CHRNA7: variants seen among roughly 807,000 people sequenced by gnomAD.
The protein encoded by CHRNA7 is neuronal acetylcholine receptor subunit alpha-7.
CHRNA7 carries 17 observed loss-of-function variants against 48.0 expected under a neutral mutation model. The observed-to-expected ratio is 0.35, with a 90% confidence interval of 0.24 to 0.53. CHRNA7 has a LOEUF of 0.53. Ranked by LOEUF, CHRNA7 falls within the 20% of genes least tolerant of loss-of-function variation. The pLI is 0.92. For missense variants in CHRNA7, 155 were observed against 577.7 expected, an observed-to-expected ratio of 0.27 and a Z score of 7.50; for synonymous variants, 75 against 242.3, an observed-to-expected ratio of 0.31 and a Z score of 6.41.
chr15:32,139,745 T>G lies in CHRNA7; in HGVS notation c.351-14162T>G, dbSNP rs533392152. ...TTATTGCTGAGTTTTAAGAGTTCTT[T>G]GTATATTTTGGATTACAGTTCATTA... On this transcript the variant is annotated intron_variant, in intron 4 of 9. Coordinates refer to ENST00000306901, the MANE Select transcript of CHRNA7 (RefSeq NM_000746.6). Among the ~76,000 whole-genome samples, 227 of 152,310 alleles carry G rather than the reference T, an allele frequency of 1.5e-3. 1 individual carries two copies. Among genetic ancestry groups the G allele is most frequent in the Non-Finnish European group, 2.7e-3 (183 of 68,036 alleles).
intron 2 of CHRNA7, among the ~76,000 whole-genome samples, chr15:32,070,993 C>T (rs1181864035): frequency 6.6e-6 from 1 of 151,926 alleles, no homozygotes; most frequent in Admixed American, 6.6e-5. Context: ...GGCCTAGTTC[C>T]TTTTTTTATA....
intron 2 of CHRNA7, among the ~76,000 whole-genome samples, chr15:32,095,925 C>A (rs946736516): frequency 1.3e-5 from 2 of 152,168 alleles, no homozygotes; most frequent in Non-Finnish European, 2.9e-5. Flanking sequence ...AAATCCAACC[C>A]CCTAACCTCT....
chr15:32,051,968 C>G (rs1272430037), intron 2 of CHRNA7, among the ~76,000 whole-genome samples: 1 of 152,194 alleles, frequency 6.6e-6, no homozygotes, highest in Non-Finnish European at 1.5e-5. Context: ...TGAGCCACTG[C>G]ACCTGGCCCT....
At chr15:32,056,353 G>A (rs777452425) in intron 2 of CHRNA7, among the ~76,000 whole-genome samples, 2 of 151,920 alleles carry the variant, frequency 1.3e-5, no homozygotes, top group Admixed American at 6.6e-5. Flanking sequence ...ATTGATTTTT[G>A]TGTATAAAGT....
chr15:32,126,980 A>G (rs865787410), intron 4 of CHRNA7, among the ~76,000 whole-genome samples: 3 of 152,208 alleles, frequency 2.0e-5, no homozygotes, highest in South Asian at 2.1e-4. Flanking sequence ...TGATTCATGT[A>G]GCCACCAACA....
At chr15:32,126,889 A>C (rs575540307) in intron 4 of CHRNA7, among the ~76,000 whole-genome samples, 54 of 152,338 alleles carry the variant, frequency 3.5e-4, no homozygotes, top group Non-Finnish European at 6.0e-4. Flanking sequence ...TATTCCACAA[A>C]GTTTATTCAG....
At chr15:32,091,985 C>T (rs1200673739) in intron 2 of CHRNA7, among the ~76,000 whole-genome samples, 1 of 152,130 alleles carries the variant, frequency 6.6e-6, no homozygotes, top group South Asian at 2.1e-4. Context: ...AGAAGCAGGG[C>T]CCCCATGTAT....
intron 2 of CHRNA7, among the ~76,000 whole-genome samples, chr15:32,064,609 G>A (rs1270158929): frequency 6.6e-6 from 1 of 152,002 alleles, no homozygotes; most frequent in Non-Finnish European, 1.5e-5. Context: ...GGATGGGAAC[G>A]TATTTTGGGG....
At chr15:32,085,712 A>T (rs1292837350) in intron 2 of CHRNA7, among the ~76,000 whole-genome samples, 1 of 152,212 alleles carries the variant, frequency 6.6e-6, no homozygotes, top group Non-Finnish European at 1.5e-5. Flanking sequence ...CCTGATAGTA[A>T]TTACTCCAAT....
intron 2 of CHRNA7, among the ~76,000 whole-genome samples, chr15:32,047,960 T>C (rs1386259429): frequency 1.3e-5 from 2 of 152,338 alleles, no homozygotes; most frequent in East Asian, 3.9e-4. Context: ...TCTGTTTATA[T>C]GCTGGATTAC....
intron 2 of CHRNA7, among the ~76,000 whole-genome samples, chr15:32,051,635 G>C (rs1446255935): frequency 6.6e-6 from 1 of 152,164 alleles, no homozygotes; most frequent in Non-Finnish European, 1.5e-5. Context: ...GCTTCGGCTG[G>C]TGCATGGTGC....
At chr15:32,119,686 C>G (rs770234201) in intron 4 of CHRNA7, among the ~76,000 whole-genome samples, 19 of 152,046 alleles carry the variant, frequency 1.2e-4, no homozygotes, top group South Asian at 2.1e-4. Context: ...AATTGATTCC[C>G]ATCAGGTGAT....
intron 2 of CHRNA7, among the ~76,000 whole-genome samples, chr15:32,097,541 G>T (rs760269509): frequency 2.0e-5 from 3 of 152,140 alleles, no homozygotes; most frequent in Non-Finnish European, 4.4e-5. Flanking sequence ...AACCATAGTG[G>T]CAGGTTAATC....
At chr15:32,052,375 G>T (rs1389478714) in intron 2 of CHRNA7, among the ~76,000 whole-genome samples, 1 of 152,172 alleles carries the variant, frequency 6.6e-6, no homozygotes, top group Non-Finnish European at 1.5e-5. Flanking sequence ...AGGGAGTGTA[G>T]TGGTGGTTAC....
intron 2 of CHRNA7, among the ~76,000 whole-genome samples, chr15:32,073,716 G>T (rs72713566): frequency 0.084 from 12,759 of 152,092 alleles, 714 homozygotes; most frequent in African/African-American, 0.14. Context: ...CAAGAACTGG[G>T]TGTTTAAAAG....
chr15:32,145,273 G>A (rs1353160588), intron 4 of CHRNA7, among the ~76,000 whole-genome samples: 1 of 152,152 alleles, frequency 6.6e-6, no homozygotes, highest in African/African-American at 2.4e-5. Context: ...ATTGCTGCCT[G>A]ATCCTTCTTC....
intron 2 of CHRNA7, among the ~76,000 whole-genome samples, chr15:32,032,560 G>A (rs1356093454): frequency 6.6e-6 from 1 of 152,190 alleles, no homozygotes; most frequent in Non-Finnish European, 1.5e-5. Context: ...ACATGAAAAA[G>A]GACCAGGCAG....
chr15:32,125,093 A>G (rs1307737473), intron 4 of CHRNA7, among the ~76,000 whole-genome samples: 1 of 152,218 alleles, frequency 6.6e-6, no homozygotes, highest in African/African-American at 2.4e-5. Context: ...ATATCTAAAT[A>G]TTACGAGAAA....
intron 4 of CHRNA7, among the ~76,000 whole-genome samples, chr15:32,133,257 A>G (rs1595483440): frequency 6.6e-6 from 1 of 152,354 alleles, no homozygotes; most frequent in East Asian, 1.9e-4. Context: ...GGAGCCAGAA[A>G]AGGCATAACA....
Sources: allele counts gnomAD v4.1 joint callset (sites outside exome capture counted in the v4.1 genomes callset), GRCh38; gene constraint gnomAD v4.1.1; transcripts MANE v1.5; gene names NCBI Gene and HGNC (gene_info 2026-07-23, HGNC 2026-07-21).